The following ARHGEF37 variants were observed in gnomAD, a reference collection of about 807,000 sequenced individuals.
ARHGEF37 encodes Rho guanine nucleotide exchange factor (GEF) 37.
A neutral mutation model predicts 71.1 loss-of-function variants in ARHGEF37; 55 were observed. The ratio of observed to expected loss-of-function variants is 0.77; its 90% CI spans 0.62 to 0.97. ARHGEF37 has a LOEUF of 0.97. Among genes scored for constraint, ARHGEF37 ranks in the 50% least tolerant of loss-of-function variants. The probability of loss-of-function intolerance (pLI) is 0.00; values close to 1 mark genes in which losing one functional copy is unlikely to be tolerated. For synonymous variants in ARHGEF37, 327 were observed against 350.6 expected, an observed-to-expected ratio of 0.93 and a Z score of 0.75; for missense variants, 765 against 836.8, an observed-to-expected ratio of 0.91 and a Z score of 1.06.
chr5:149,624,530 T>G (rs1197095137), intron 10 of ARHGEF37, among the ~76,000 whole-genome samples: 1 of 152,182 alleles, frequency 6.6e-6, no homozygotes, highest in Non-Finnish European at 1.5e-5. Context: ...TCTCAGCACT[T>G]TGGGAGGCCG....
intron 1 of ARHGEF37, among the ~76,000 whole-genome samples, chr5:149,576,112 G>A (rs926901459): frequency 1.4e-4 from 21 of 152,324 alleles, no homozygotes; most frequent in Admixed American, 1.3e-3. Flanking sequence ...GGGCCTGGTG[G>A]CACATGCCTG....
chr5:149,552,345 A>T (rs908659279), intron 1 of ARHGEF37, among the ~76,000 whole-genome samples: 1 of 151,842 alleles, frequency 6.6e-6, no homozygotes. Flanking sequence ...CTACACGGTA[A>T]TTTTTTTCTT....
intron 1 of ARHGEF37, among the ~76,000 whole-genome samples, chr5:149,566,834 A>G (rs575653702): frequency 6.9e-4 from 105 of 152,180 alleles, no homozygotes; most frequent in Admixed American, 2.0e-3. Context: ...TTTCAATTTT[A>G]TATGTATATA....
chr5:149,618,176 C>T lies in ARHGEF37; in HGVS notation c.659C>T (p.Ala220Val). The T allele has an allele frequency of 6.2e-7, 1 of 1,614,104 alleles. No homozygotes were observed. Among genetic ancestry groups the T allele is most frequent in the Non-Finnish European group, 8.5e-7 (1 of 1,179,968 alleles). Reference sequence around the variant, plus strand: ...CTTCCCCTCTTCTCTGTCGTTGCAGCCTCCAAGTACACCAAGGTAGAGCAG... The same window carrying T: ...CTTCCCCTCTTCTCTGTCGTTGCAGTCTCCAAGTACACCAAGGTAGAGCAG... ...INEYKMRKEV[A>V]SKYTKVEQLT... Residue 220 changes from alanine (A) to valine (V), a missense_variant and splice_region_variant, in exon 6 of 13, where the codon GCC becomes GTC. Physicochemically the swap from Ala to Val is moderately conservative, Grantham distance 64. This residue lies in a region of ARHGEF37 where 167 missense variants were observed against 173.3 expected (regional missense o/e 0.96). Transcript: ENST00000333677.
intron 2 of ARHGEF37, among the ~76,000 whole-genome samples, chr5:149,598,446 C>T (rs1229684542): frequency 7.3e-6 from 1 of 136,482 alleles, no homozygotes; most frequent in East Asian, 1.9e-4. Context: ...TCTCCTTCCT[C>T]TTCTTTCTTC....
intron 1 of ARHGEF37, among the ~76,000 whole-genome samples, chr5:149,567,606 T>G (rs1023854807): frequency 3.3e-5 from 5 of 152,236 alleles, no homozygotes; most frequent in African/African-American, 1.2e-4. Context: ...CAGTATGAAC[T>G]TATGGATTAT....
At chr5:149,556,352 C>T (rs1039576187) in intron 1 of ARHGEF37, among the ~76,000 whole-genome samples, 9 of 145,344 alleles carry the variant, frequency 6.2e-5, no homozygotes, top group African/African-American at 2.4e-4. Flanking sequence ...TGCCACCATG[C>T]CCAGCTAGTT....
intron 1 of ARHGEF37, among the ~76,000 whole-genome samples, chr5:149,588,168 A>G (rs983687591): frequency 6.6e-6 from 1 of 151,692 alleles, no homozygotes; most frequent in Non-Finnish European, 1.5e-5. Flanking sequence ...AAGTGCTGGG[A>G]TTACAGGCGT....
rs543855969 is a variant in ARHGEF37 at position 149,586,645 on chromosome 5, T to C, written c.-12+5021T>C. Among the ~76,000 whole-genome samples, 28 of 152,344 alleles carry C rather than the reference T, an allele frequency of 1.8e-4. No homozygotes were observed. In the South Asian group the frequency reaches 5.6e-3, roughly 30 times the overall value. ...CTGTTGTACCAGTCCAGGAGAAAGG[T>C]GGTGGAGGTTTAGACCCAGATGGTC... On this transcript the variant is annotated intron_variant, in intron 1 of 12. Transcript: ENST00000333677.
At chr5:149,576,929 C>A (rs552534800), upstream of ARHGEF37, among the ~76,000 whole-genome samples, 15 of 149,992 alleles carry the variant, frequency 1.0e-4, no homozygotes, top group African/African-American at 3.6e-4. Flanking sequence ...GCACTCCAGA[C>A]TGGGCAACAG....
intron 1 of ARHGEF37, among the ~76,000 whole-genome samples, chr5:149,570,168 T>TA (rs1185344127): frequency 3.9e-5 from 6 of 152,198 alleles, no homozygotes; most frequent in African/African-American, 1.4e-4. Flanking sequence ...TTAAAACACC[T>TA]ACTAAAGCTA....
At position 149,625,682 on chromosome 5, in the gene ARHGEF37, G is replaced by A. The variant is rs534547597; in HGVS notation, c.1465-1394G>A. 5.7e-3 allele frequency among the ~76,000 whole-genome samples: 868 copies of A among 152,258 alleles called. 4 individuals carry two copies. Among genetic ancestry groups the A allele is most frequent in the Non-Finnish European group, 8.9e-3 (607 of 68,010 alleles). ...GGGTGTGCCGTGGGCCCCGAGACTC[G>A]GGGAGAGAGCACGGGTGCAGAGGAT... On this transcript the variant is annotated intron_variant, in intron 10 of 12. Coordinates refer to ENST00000333677, the MANE Select transcript of ARHGEF37 (RefSeq NM_001001669.3).
At chr5:149,601,070 C>A (rs773453094) in intron 2 of ARHGEF37, 38 bp from the exon 3 acceptor site, 2 of 1,593,064 alleles carry the variant, frequency 1.3e-6, no homozygotes, top group African/African-American at 2.7e-5. Context: ...TTCTATGGAA[C>A]TCCCAACCAC....
At position 149,618,309 on chromosome 5, in the gene ARHGEF37, G is replaced by T. The variant is rs753823155; in HGVS notation, c.789+3G>T. The T allele has an allele frequency of 6.2e-6, 10 of 1,614,094 alleles. No individual in the cohort carries two copies. The South Asian group carries it at 1.1e-4, about 18-fold the overall frequency. ...AGGAGGCGGGGCTGATCCCCAGGGT[G>T]AGCGTGCGCCTGGGAGGAAGAGTCA... On this transcript the variant is annotated splice_donor_region_variant and intron_variant, in intron 6 of 12. Coordinates refer to ENST00000333677, the MANE Select transcript of ARHGEF37 (RefSeq NM_001001669.3).
At chr5:149,563,822 G>A (rs931062547) in intron 1 of ARHGEF37, among the ~76,000 whole-genome samples, 4 of 151,910 alleles carry the variant, frequency 2.6e-5, no homozygotes, top group East Asian at 3.9e-4. Context: ...ATAGGAAACA[G>A]ATAAAAATTT....
chr5:149,605,532 A>G (rs1763892454), intron 3 of ARHGEF37, among the ~76,000 whole-genome samples: 1 of 152,162 alleles, frequency 6.6e-6, no homozygotes, highest in South Asian at 2.1e-4. Context: ...TGACTACTGT[A>G]TTTGAGCATT....
rs1342912677 is a variant in ARHGEF37, at chr5:149,633,933, T to C, written c.*1742T>C. ...TGCTCTTGACTCATTCTCTCTGCTC[T>C]TTCCTGCTCAGATTTCTGATAAAAA... On this transcript the variant is annotated 3_prime_UTR_variant, in exon 13 of 13. Transcript: ENST00000333677. The C allele has an allele frequency of 1.3e-5, 2 of 152,216 alleles. No homozygotes were observed. The highest frequency in any genetic ancestry group is 6.5e-5 in the Admixed American group (1 of 15,274). The allele number at this position is 152,216 out of a possible 1,614,324, so 9.4% of individuals were successfully genotyped here. A position where few individuals can be genotyped will look rare whatever the true frequency, so the allele number is the denominator to read the frequency against.
intron 10 of ARHGEF37, among the ~76,000 whole-genome samples, chr5:149,626,241 A>AACACACACACAC (rs58263212): frequency 3.7e-5 from 5 of 133,632 alleles, no homozygotes; most frequent in Non-Finnish European, 6.6e-5. Context: ...GAGCATGGTG[A>AACACACACACAC]ACACACACAC....
Position 149,621,956 on chromosome 5 carries a change from A to G in ARHGEF37, c.1229A>G (p.Asn410Ser). ...CTAGTGGCTGAGCTCCCACAGTTTA[A>G]CCAGCTGGTCATGCAGTGGCTGGGC... ...SLLVAELPQF[N>S]QLVMQWLGQI... The change falls in exon 9 of 13, where the codon AAC becomes AGC. Residue 410 changes from asparagine (N) to serine (S), a missense_variant. By Grantham distance (46) the Asn-to-Ser change is conservative. Coordinates refer to ENST00000333677, the MANE Select transcript of ARHGEF37 (RefSeq NM_001001669.3). 6.2e-7 allele frequency: 1 copy of G among 1,614,206 alleles called. No homozygotes were observed. The highest frequency in any genetic ancestry group is 8.5e-7 in the Non-Finnish European group (1 of 1,180,030).
Sources: gnomAD v4.1 joint callset for allele counts (sites outside exome capture counted in the v4.1 genomes callset) on GRCh38, gnomAD v4.1.1 for gene constraint, gnomAD v4.1.1 regional missense constraint, MANE v1.5 for transcripts, NCBI Gene and HGNC (gene_info 2026-07-23, HGNC 2026-07-21) for gene names.